Variants in RXRA observed in about 807,000 individuals in gnomAD.
The protein encoded by RXRA is retinoid X receptor alpha, also known as retinoic acid receptor RXR-alpha.
RXRA carries 5 observed loss-of-function variants against 44.5 expected under a neutral mutation model. The observed-to-expected ratio is 0.11, with a 90% confidence interval of 0.06 to 0.24. The LOEUF is 0.24. RXRA is among the 10% of genes least tolerant of loss of function. RXRA has a pLI of 1.00. For synonymous variants in RXRA, 291 were observed against 271.4 expected (o/e 1.07, Z -0.71); for missense variants, 412 against 646.5 (o/e 0.64, Z 3.93).
At chr9:134,346,457 C>T (rs1162948964) in intron 1 of RXRA, among the ~76,000 whole-genome samples, 1 of 152,218 alleles carries the variant, frequency 6.6e-6, no homozygotes, top group Non-Finnish European at 1.5e-5. Flanking sequence ...CTGGTCCTTG[C>T]AGCTGGTTCT....
In RXRA at chr9:134,426,210, G is replaced by A. The variant is rs1469408640; in HGVS notation, c.911-2898G>A. 3.0e-6 allele frequency: 3 copies of A among 985,284 alleles called. No homozygotes were observed. The East Asian group carries it at 3.4e-4, about 112-fold the overall frequency. 61.0% of individuals were successfully genotyped at this position (985,284 alleles called of 1,614,324 possible). A position where few individuals can be genotyped will look rare whatever the true frequency, so the allele number is the denominator to read the frequency against. ...ACCTGGTATCCTCTGCATCACTGAG[G>A]TCCTCCTTCTGAAAGGCCAGCGCAC... On this transcript the variant is annotated intron_variant, in intron 6 of 9. Transcript: ENST00000481739. This position sits in a 1 kb window ranked among gnomAD's most constrained non-coding sequence, Gnocchi z 4.6.
chr9:134,424,042 G>A (rs1191628509), intron 6 of RXRA: 26 of 985,328 alleles, frequency 2.6e-5, no homozygotes, highest in Non-Finnish European at 3.1e-5. Context: ...GTGGTCCCAT[G>A]TTCTGGCAGC....
intron 1 of RXRA, among the ~76,000 whole-genome samples, chr9:134,382,007 C>T (rs1302521286): frequency 6.6e-6 from 1 of 152,186 alleles, no homozygotes; most frequent in Non-Finnish European, 1.5e-5. Context: ...GTCTCCTCCT[C>T]TCCTTCTGTC....
chr9:134,397,258 G>A (rs561896880), intron 1 of RXRA, among the ~76,000 whole-genome samples: 42 of 152,274 alleles, frequency 2.8e-4, no homozygotes, highest in African/African-American at 9.1e-4. Context: ...GCAATTCACC[G>A]TCTCGCGGAG....
At chr9:134,391,422 T>C (rs1830797947) in intron 1 of RXRA, among the ~76,000 whole-genome samples, 1 of 151,882 alleles carries the variant, frequency 6.6e-6, no homozygotes, top group South Asian at 2.1e-4. Context: ...TGGCTCAAAA[T>C]GAAACAAGAA....
chr9:134,349,864 G>A lies in RXRA; in HGVS notation c.28+23205G>A, dbSNP rs1554749262. On this transcript the variant is annotated intron_variant, in intron 1 of 9. Transcript: ENST00000481739. This position sits in a 1 kb window ranked among gnomAD's most constrained non-coding sequence, Gnocchi z 4.3. ...GCAGGCTCTCCTGTGGTAGGAGTCG[G>A]GTGGACAGTTTGCACGATCTCATCC... Among the ~76,000 whole-genome samples, 1 of 152,108 alleles carries A rather than the reference G, an allele frequency of 6.6e-6. No homozygotes were observed. The highest frequency in any genetic ancestry group is 6.5e-5 in the Admixed American group (1 of 15,276).
At chr9:134,395,993 T>C (rs1830872173) in intron 1 of RXRA, among the ~76,000 whole-genome samples, 1 of 152,178 alleles carries the variant, frequency 6.6e-6, no homozygotes, top group Non-Finnish European at 1.5e-5. Context: ...TGCCTGCCCC[T>C]GCGGGGAGGC....
chr9:134,420,927 G>T (rs1211572919), intron 5 of RXRA, among the ~76,000 whole-genome samples: 2 of 152,182 alleles, frequency 1.3e-5, no homozygotes, highest in Non-Finnish European at 2.9e-5. Flanking sequence ...TGTGCCTGGG[G>T]CCTGGTATCT....
chr9:134,432,926 A>T (rs1157246817), intron 8 of RXRA, among the ~76,000 whole-genome samples: 1 of 152,040 alleles, frequency 6.6e-6, no homozygotes, highest in African/African-American at 2.4e-5. Context: ...TCCAGCCGGG[A>T]GGGAGCTATG....
At chr9:134,379,442 C>T (rs533179705) in intron 1 of RXRA, 1 of 987,354 alleles carries the variant, frequency 1.0e-6, no homozygotes, top group South Asian at 4.7e-5. Context: ...ATCCAGGCAT[C>T]TGTGTCTGTG....
In RXRA at chr9:134,417,635, G is replaced by A. The variant is rs1020655208; in HGVS notation, c.780+308G>A. On this transcript the variant is annotated intron_variant, in intron 5 of 9. Coordinates refer to ENST00000481739, the MANE Select transcript of RXRA (RefSeq NM_002957.6). The surrounding 1 kb of genome is among the most constrained non-coding windows in gnomAD (Gnocchi z 6.1). Reference sequence around the variant, plus strand: ...GGCCACCTCTGCTGGGGCCTCAGCCGCCGTGTCCCCTCGGAGTTTGGCCTG... The same window carrying A: ...GGCCACCTCTGCTGGGGCCTCAGCCACCGTGTCCCCTCGGAGTTTGGCCTG... 3.3e-5 allele frequency among the ~76,000 whole-genome samples: 5 copies of A among 152,054 alleles called. No homozygotes were observed. The highest frequency in any genetic ancestry group is 7.2e-5 in the African/African-American group (3 of 41,406).
chr9:134,362,183 A>C (rs958259614), intron 1 of RXRA, among the ~76,000 whole-genome samples: 4 of 152,090 alleles, frequency 2.6e-5, no homozygotes, highest in Non-Finnish European at 5.9e-5. Context: ...GCACTTGTCC[A>C]GGGCCCAGTG....
chr9:134,374,505 A>G (rs1208401791), intron 1 of RXRA, among the ~76,000 whole-genome samples: 1 of 152,096 alleles, frequency 6.6e-6, no homozygotes, highest in Admixed American at 6.5e-5. Context: ...GCCCAGGGCC[A>G]CTGTTTCAAT....
At chr9:134,371,705 C>T (rs1201680710) in intron 1 of RXRA, among the ~76,000 whole-genome samples, 4 of 152,258 alleles carry the variant, frequency 2.6e-5, no homozygotes, top group South Asian at 2.1e-4. Context: ...CTGGGGGTGG[C>T]GTGCGCCCCC....
intron 1 of RXRA, among the ~76,000 whole-genome samples, chr9:134,388,297 G>GTGTGAGTT (rs1830751441): frequency 6.6e-6 from 1 of 151,876 alleles, no homozygotes; most frequent in Non-Finnish European, 1.5e-5. Context: ...GTGTGTGAGT[G>GTGTGAGTT]TGTATGTGCA....
intron 1 of RXRA, among the ~76,000 whole-genome samples, chr9:134,329,670 C>T (rs573115042): frequency 2.0e-5 from 3 of 152,264 alleles, no homozygotes; most frequent in African/African-American, 7.2e-5. Flanking sequence ...GTGACTGGCT[C>T]CCGGCTCTGC....
chr9:134,358,566 G>A (rs1023280518), intron 1 of RXRA, among the ~76,000 whole-genome samples: 1 of 152,220 alleles, frequency 6.6e-6, no homozygotes, highest in African/African-American at 2.4e-5. Flanking sequence ...AACTGACAAG[G>A]TCTTGTTCCA....
intron 1 of RXRA, among the ~76,000 whole-genome samples, chr9:134,331,100 G>A (rs1834997629): frequency 6.6e-6 from 1 of 152,168 alleles, no homozygotes; most frequent in Admixed American, 6.5e-5. Context: ...GTGGATATAG[G>A]CCTGCCACAG....
At chr9:134,358,615 C>T (rs1270481457) in intron 1 of RXRA, among the ~76,000 whole-genome samples, 1 of 152,210 alleles carries the variant, frequency 6.6e-6, no homozygotes, top group Non-Finnish European at 1.5e-5. Flanking sequence ...TTTCCAGGCT[C>T]CTGTTTGGAT....
Sources: gnomAD v4.1 joint callset for allele counts (sites outside exome capture counted in the v4.1 genomes callset) on GRCh38, gnomAD v4.1.1 for gene constraint, Gnocchi (gnomAD v3.1) non-coding constraint, MANE v1.5 for transcripts, NCBI Gene and HGNC (gene_info 2026-07-23, HGNC 2026-07-21) for gene names.